The following ZNF804A variants were observed in gnomAD, a reference collection of about 807,000 sequenced individuals.
The protein encoded by ZNF804A is zinc finger protein 804A.
A neutral mutation model predicts 16.5 loss-of-function variants in ZNF804A; 2 were observed. The ratio of observed to expected loss-of-function variants is 0.12; its 90% CI spans 0.05 to 0.38. The LOEUF (loss-of-function observed/expected upper bound fraction) is 0.38. ZNF804A is among the 10% of genes least tolerant of loss of function. The pLI, the probability that ZNF804A is intolerant of heterozygous loss-of-function variation, is 0.99. For missense variants in ZNF804A, 1,473 were observed against 1,390.7 expected, an observed-to-expected ratio of 1.06 and a Z score of -0.94; for synonymous variants, 534 against 489.6, an observed-to-expected ratio of 1.09 and a Z score of -1.20.
intron 1 of ZNF804A, among the ~76,000 whole-genome samples, chr2:184,704,801 G>T (rs1204102833): frequency 6.6e-6 from 1 of 152,134 alleles, no homozygotes; most frequent in African/African-American, 2.4e-5. Context: ...ATTGACACTG[G>T]GAAGGATAAA....
chr2:184,694,615 A>G (rs559055975), intron 1 of ZNF804A, among the ~76,000 whole-genome samples: 58 of 152,322 alleles, frequency 3.8e-4, no homozygotes, highest in Non-Finnish European at 7.6e-4. Flanking sequence ...AGAACCTGAG[A>G]CAAAACTTCA....
intron 1 of ZNF804A, among the ~76,000 whole-genome samples, chr2:184,643,743 C>T (rs78131089): frequency 0.019 from 2,884 of 150,956 alleles, 41 homozygotes; most frequent in Admixed American, 0.033. Flanking sequence ...TTTATATAGA[C>T]ATGTATAAAT....
intron 1 of ZNF804A, among the ~76,000 whole-genome samples, chr2:184,743,041 A>G (rs1402881221): frequency 1.3e-5 from 2 of 151,942 alleles, no homozygotes; most frequent in Non-Finnish European, 2.9e-5. Context: ...TATCTTTGCC[A>G]TGTTGTTTGG....
intron 2 of ZNF804A, among the ~76,000 whole-genome samples, chr2:184,918,577 T>C (rs1450547703): frequency 6.6e-6 from 1 of 152,182 alleles, no homozygotes; most frequent in Non-Finnish European, 1.5e-5. Context: ...GCCACCTGGC[T>C]GGAGTTGAAA....
intron 1 of ZNF804A, among the ~76,000 whole-genome samples, chr2:184,647,759 AC>A (rs1247311624): frequency 6.6e-6 from 1 of 152,190 alleles, no homozygotes; most frequent in African/African-American, 2.4e-5. Context: ...ATCTTACAAA[AC>A]ACTGGTATTC....
chr2:184,858,472 C>T (rs1695740668), intron 1 of ZNF804A, among the ~76,000 whole-genome samples: 1 of 150,478 alleles, frequency 6.6e-6, no homozygotes, highest in East Asian at 1.9e-4. Context: ...CCACTGCACT[C>T]CAGCCTATGC....
At chr2:184,866,561 A>T in intron 2 of ZNF804A, 49 bp downstream of exon 2, 4 of 1,539,488 alleles carry the variant, frequency 2.6e-6, no homozygotes, top group Non-Finnish European at 3.5e-6. Flanking sequence ...CTTGTGTAAT[A>T]GTTTTAATTG....
At chr2:184,702,016 TTGTC>T (rs1412517512) in intron 1 of ZNF804A, among the ~76,000 whole-genome samples, 2 of 151,930 alleles carry the variant, frequency 1.3e-5, no homozygotes, top group African/African-American at 4.8e-5. Context: ...TTGGAGAAAT[TTGTC>T]TGTATTTTTA....
At chr2:184,691,039 G>A (rs1010681927) in intron 1 of ZNF804A, among the ~76,000 whole-genome samples, 1 of 151,924 alleles carries the variant, frequency 6.6e-6, no homozygotes, top group African/African-American at 2.4e-5. Context: ...TATTTAGTGA[G>A]GATACTTTTA....
chr2:184,862,552 A>G (rs1312260950), intron 1 of ZNF804A, among the ~76,000 whole-genome samples: 1 of 152,192 alleles, frequency 6.6e-6, no homozygotes, highest in East Asian at 1.9e-4. Flanking sequence ...GGATAGAGAT[A>G]GAGAGAAAGC....
rs765322307 is a variant in ZNF804A at position 184,937,246 on chromosome 2, G to A, written c.1850G>A (p.Arg617His). The stretch of plus-strand genomic sequence containing the variant: ...GAGAAAACCAAAGAATCAGAAACTC[G>A]CTGCAAAATGGAAGCAGAGAATAGT... Reference protein sequence around the residue: ...HMEKTKESETRCKMEAENSYT... With the variant: ...HMEKTKESETHCKMEAENSYT... The change falls in exon 4 of 4, where the codon CGC becomes CAC. Residue 617 changes from arginine to histidine, a missense_variant. Physicochemically the swap from Arg to His is conservative, Grantham distance 29. Coordinates refer to ENST00000302277, the MANE Select transcript of ZNF804A (RefSeq NM_194250.2). 11 of 1,611,018 alleles carry A rather than the reference G, an allele frequency of 6.8e-6. No homozygotes were observed. Among genetic ancestry groups the A allele is most frequent in the South Asian group, 3.3e-5 (3 of 90,498 alleles).
intron 1 of ZNF804A, among the ~76,000 whole-genome samples, chr2:184,606,908 T>C (rs1427263556): frequency 2.6e-5 from 4 of 152,082 alleles, no homozygotes; most frequent in Non-Finnish European, 5.9e-5. Flanking sequence ...GACCCTTAAC[T>C]GATACAGTGA....
At chr2:184,800,692 C>T (rs1395637082) in intron 1 of ZNF804A, among the ~76,000 whole-genome samples, 2 of 151,154 alleles carry the variant, frequency 1.3e-5, no homozygotes, top group African/African-American at 4.9e-5. Flanking sequence ...AGTCTAAGTC[C>T]CTCATCCAAT....
chr2:184,870,904 A>G (rs1205517576), intron 2 of ZNF804A, among the ~76,000 whole-genome samples: 1 of 151,932 alleles, frequency 6.6e-6, no homozygotes, highest in Non-Finnish European at 1.5e-5. Flanking sequence ...AATAATAGCA[A>G]CAATTTACAT....
At chr2:184,891,658 T>G (rs1455585601) in intron 2 of ZNF804A, among the ~76,000 whole-genome samples, 1 of 152,212 alleles carries the variant, frequency 6.6e-6, no homozygotes, top group Non-Finnish European at 1.5e-5. Flanking sequence ...CACAGTCCTA[T>G]GTTCTTTCTA....
At chr2:184,643,327 GA>G (rs1322655072) in intron 1 of ZNF804A, among the ~76,000 whole-genome samples, 1 of 151,880 alleles carries the variant, frequency 6.6e-6, no homozygotes, top group Non-Finnish European at 1.5e-5. Flanking sequence ...AAACATTTTT[GA>G]ACCTTGGATT....
intron 2 of ZNF804A, among the ~76,000 whole-genome samples, chr2:184,910,964 G>C (rs556300808): frequency 1.1e-4 from 16 of 152,076 alleles, no homozygotes; most frequent in Admixed American, 8.5e-4. Context: ...TTGATGTGCA[G>C]AAGCTCTTTA....
chr2:184,852,549 G>A (rs1370013702), intron 1 of ZNF804A, among the ~76,000 whole-genome samples: 2 of 146,194 alleles, frequency 1.4e-5, no homozygotes, highest in South Asian at 2.1e-4. Flanking sequence ...ATCTCCCACC[G>A]GCTTTTTTTG....
chr2:184,680,862 G>A (rs911866003), intron 1 of ZNF804A, among the ~76,000 whole-genome samples: 8 of 152,254 alleles, frequency 5.3e-5, no homozygotes, highest in Non-Finnish European at 1.2e-4. Context: ...CCCCAAGCCA[G>A]GGCTGTGACA....
Sources: allele counts gnomAD v4.1 joint callset (sites outside exome capture counted in the v4.1 genomes callset), GRCh38; gene constraint gnomAD v4.1.1; transcripts MANE v1.5; gene names NCBI Gene and HGNC (gene_info 2026-07-23, HGNC 2026-07-21).